VOPP1: variants seen among roughly 807,000 people sequenced by gnomAD.
The protein encoded by VOPP1 is WW domain binding protein VOPP1.
A neutral mutation model predicts 23.5 loss-of-function variants in VOPP1; 8 were observed. The ratio of observed to expected loss-of-function variants is 0.34; its 90% CI spans 0.20 to 0.61. The LOEUF is 0.61. Among genes scored for constraint, VOPP1 ranks in the 20% least tolerant of loss-of-function variants. The pLI is 0.78. For missense variants in VOPP1, 174 were observed against 238.1 expected (o/e 0.73, Z 1.77); for synonymous variants, 83 against 97.3 (o/e 0.85, Z 0.86).
chr7:55,554,930 G>A (rs974241034), intron 1 of VOPP1, among the ~76,000 whole-genome samples: 2 of 152,216 alleles, frequency 1.3e-5, no homozygotes, highest in Non-Finnish European at 2.9e-5. Flanking sequence ...ATCAGCATCT[G>A]AGGCTGAGAT....
At chr7:55,536,029 T>C (rs1312995245) in intron 1 of VOPP1, among the ~76,000 whole-genome samples, 1 of 152,224 alleles carries the variant, frequency 6.6e-6, no homozygotes, top group Non-Finnish European at 1.5e-5. Flanking sequence ...GGTTGGGTCT[T>C]CAGGAGCTCC....
intron 3 of VOPP1, among the ~76,000 whole-genome samples, chr7:55,493,470 G>A (rs1328160363): frequency 6.6e-6 from 1 of 152,242 alleles, no homozygotes; most frequent in African/African-American, 2.4e-5. Context: ...GAATATTAAT[G>A]TGATGTCAAG....
At chr7:55,468,271 GAAAAAAAAAA>G (rs747918983), downstream of VOPP1, among the ~76,000 whole-genome samples, 13 of 54,228 alleles carry the variant, frequency 2.4e-4, no homozygotes, top group East Asian at 5.8e-4. Context: ...CTTCGTCTCA[GAAAAAAAAAA>G]AAAAAAAGAA....
intron 1 of VOPP1, chr7:55,552,537 CA>C: frequency 6.7e-7 from 1 of 1,502,160 alleles, no homozygotes; most frequent in South Asian, 1.2e-5. Context: ...CCCAGCAACA[CA>C]AGCATGATTT....
chr7:55,449,258 G>A (rs1171569655), intron 4 of VOPP1, among the ~76,000 whole-genome samples: 1 of 152,204 alleles, frequency 6.6e-6, no homozygotes, highest in Non-Finnish European at 1.5e-5. Context: ...CACAGGGGAC[G>A]GCCGGGGAGG....
intron 4 of VOPP1, among the ~76,000 whole-genome samples, chr7:55,441,602 GATTAA>G (rs55763870): frequency 0.16 from 23,610 of 152,162 alleles, 2,040 homozygotes; most frequent in Middle Eastern, 0.29. Context: ...GCCACTTTTA[GATTAA>G]ATTAAGGATT....
intron 1 of VOPP1, among the ~76,000 whole-genome samples, chr7:55,529,318 T>C (rs1388847354): frequency 7.2e-6 from 1 of 139,788 alleles, no homozygotes; most frequent in East Asian, 2.1e-4. Context: ...TGAGCTGAGA[T>C]GGCGCCACTG....
At chr7:55,476,924 C>T (rs815960) in intron 4 of VOPP1, among the ~76,000 whole-genome samples, 2,812 of 152,320 alleles carry the variant, frequency 0.018, 70 homozygotes, top group African/African-American at 0.063. Context: ...CACCGCCTGC[C>T]CTATTCTCCA....
chr7:55,477,061 C>T (rs984009965), intron 4 of VOPP1, among the ~76,000 whole-genome samples: 1 of 152,206 alleles, frequency 6.6e-6, no homozygotes, highest in Non-Finnish European at 1.5e-5. Context: ...TCATGCCAGG[C>T]ACCTCCTAGC....
At chr7:55,533,601 GAAA>G (rs1271225571) in intron 1 of VOPP1, among the ~76,000 whole-genome samples, 1 of 152,112 alleles carries the variant, frequency 6.6e-6, no homozygotes, top group East Asian at 1.9e-4. Context: ...TCACTGCCTG[GAAA>G]CTCCCCTGAG....
intron 4 of VOPP1, among the ~76,000 whole-genome samples, chr7:55,449,815 C>T (rs1791198546): frequency 6.6e-6 from 1 of 152,210 alleles, no homozygotes; most frequent in African/African-American, 2.4e-5. Context: ...GGTCCTGCCA[C>T]CCTCCTGCGG....
chr7:55,529,762 A>G (rs1352286949), intron 1 of VOPP1, among the ~76,000 whole-genome samples: 4 of 152,144 alleles, frequency 2.6e-5, no homozygotes, highest in African/African-American at 9.7e-5. Context: ...CAGCGCCCCA[A>G]GCAATACTGA....
intron 1 of VOPP1, among the ~76,000 whole-genome samples, chr7:55,524,922 G>A (rs1796079895): frequency 6.6e-6 from 1 of 152,238 alleles, no homozygotes; most frequent in Non-Finnish European, 1.5e-5. Flanking sequence ...AGCTAGAGCT[G>A]TGGTCAAAGG....
intron 1 of VOPP1, 120 bp downstream of exon 1, chr7:55,572,151 C>T: frequency 2.7e-6 from 2 of 733,386 alleles, no homozygotes; most frequent in Non-Finnish European, 4.1e-6. Flanking sequence ...TGTGGCTCCC[C>T]GTCGCTCCAC....
In VOPP1 at chr7:55,498,538, C is replaced by T. The variant is rs553920156; in HGVS notation, c.114-848G>A. On this transcript the variant is annotated intron_variant, in intron 2 of 4. Transcript: ENST00000285279. ...AGAGAAGATGCCATGAAAGTGCAAA[C>T]CCTTCCGTTTTACAGAGAAGTTTTC... Among the ~76,000 whole-genome samples the T allele has an allele frequency of 2.0e-5, 3 of 152,320 alleles. No individual in the cohort carries two copies. In the South Asian group the frequency reaches 6.2e-4, roughly 32 times the overall value.
chr7:55,447,975 T>TA (rs1262104096), intron 4 of VOPP1, among the ~76,000 whole-genome samples: 1 of 152,182 alleles, frequency 6.6e-6, no homozygotes, highest in Non-Finnish European at 1.5e-5. Flanking sequence ...TGTCATTCAT[T>TA]AAAAAACCAT....
At chr7:55,516,878 A>AATGTACTTTTTAGATGAG (rs1795445207) in intron 2 of VOPP1, among the ~76,000 whole-genome samples, 1 of 141,884 alleles carries the variant, frequency 7.0e-6, no homozygotes, top group African/African-American at 2.6e-5. Context: ...ATATACTAGA[A>AATGTACTTTTTAGATGAG]ATGTACTTTT....
intron 2 of VOPP1, among the ~76,000 whole-genome samples, chr7:55,506,043 C>CAAA (rs1185345229): frequency 1.3e-5 from 2 of 152,204 alleles, no homozygotes; most frequent in Non-Finnish European, 2.9e-5. Context: ...ACAAAACACC[C>CAAA]TTTTAATAAT....
intron 1 of VOPP1, chr7:55,521,727 CACAGG>C: frequency 1.0e-6 from 1 of 975,656 alleles, no homozygotes; most frequent in Non-Finnish European, 1.2e-6. Flanking sequence ...GGCCCAGCCC[CACAGG>C]GCAGGGCAGG....
Sources: gnomAD v4.1 joint callset for allele counts (sites outside exome capture counted in the v4.1 genomes callset) on GRCh38, gnomAD v4.1.1 for gene constraint, MANE v1.5 for transcripts, NCBI Gene and HGNC (gene_info 2026-07-23, HGNC 2026-07-21) for gene names.